The following RPS16 variants were observed in gnomAD, a reference collection of about 807,000 sequenced individuals.
RPS16 encodes small ribosomal subunit protein uS9.
Under a neutral mutation model 20.1 loss-of-function variants are expected in RPS16, and 2 were observed. The observed-to-expected ratio is 0.10, with a 90% CI of 0.04 to 0.31. The LOEUF is 0.31. Ranked by LOEUF, RPS16 falls within the 10% of genes least tolerant of loss-of-function variation. The pLI is 1.00. For missense variants in RPS16, 129 were observed against 198.6 expected (o/e 0.65, Z 2.11); for synonymous variants, 95 against 76.1 (o/e 1.25, Z -1.29).
Position 39,435,652 on chromosome 19 carries a change from G to A in RPS16, c.105C>T (p.Asn35=), listed in dbSNP as rs927732348. The A allele has an allele frequency of 3.7e-6, 6 of 1,614,028 alleles. No individual in the cohort carries two copies. Among genetic ancestry groups the A allele is most frequent in the South Asian group, 2.2e-5 (2 of 91,082 alleles). ...GCTCAATCATCTCCAGGGGCCGCCC[G>A]TTCACCTTGATGAGACCATTGCCGC... is the stretch of plus-strand genomic sequence containing the variant. ...CKRGNGLIKV[N]GRPLEMIEPR... is the part of the protein sequence containing the mutation. The change falls in exon 2 of 5, where the codon AAC becomes AAT. Residue 35 remains asparagine (N), a synonymous_variant. Transcript: ENST00000251453.
At position 39,435,667 on chromosome 19, in the gene RPS16, A is replaced by C. The variant is rs375849905; in HGVS notation, c.90T>G (p.Gly30=). Residue 30 remains glycine (G), a synonymous_variant, in exon 2 of 5, where the codon GGT becomes GGG. Coordinates refer to ENST00000251453, the MANE Select transcript of RPS16 (RefSeq NM_001020.6). ...TAVAHCKRGN[G]LIKVNGRPLE... ...GGGGCCGCCCGTTCACCTTGATGAG[A>C]CCATTGCCGCGTTTGCAGTGCGCCA... 1.4e-5 allele frequency: 22 copies of C among 1,613,986 alleles called. No individual in the cohort carries two copies. The East Asian group carries it at 3.8e-4, about 28-fold the overall frequency.
In RPS16 at chr19:39,435,848, CT is replaced by C; in HGVS notation, c.47del (p.Lys16ArgfsTer19). ...PLQSVQVFGR[K>X]KTATAVAHCK... ...CCTTCCCATCCGGCGTCTGGCTCAC[CT>C]TGCGTCCGAAGACCTGCACAGACTG... On this transcript the variant is annotated frameshift_variant and splice_region_variant, in exon 1 of 5. Transcript: ENST00000251453. LOFTEE classifies it high-confidence loss of function. 1.2e-6 allele frequency: 2 copies of C among 1,610,558 alleles called. No homozygotes were observed. The highest frequency in any genetic ancestry group is 1.1e-5 in the South Asian group (1 of 91,078).
chr19:39,435,564 A>C, intron 2 of RPS16, 43 bp downstream of exon 2: 1 of 1,529,738 alleles, frequency 6.5e-7, no homozygotes, highest in Non-Finnish European at 9.0e-7. Context: ...CTCTGTCTCC[A>C]AGAGTCCTCC....
At position 39,433,737 on chromosome 19, in the gene RPS16, C is replaced by T. The variant is rs756674728; in HGVS notation, c.175G>A (p.Gly59Ser). ...TCTACACCAGCAAATCGCTCCTTGCCGAGAAGCAGAACTGGCTCCAGCAGC... is the reference window on the plus strand; with the variant it reads ...TCTACACCAGCAAATCGCTCCTTGCTGAGAAGCAGAACTGGCTCCAGCAGC... ...YKLLEPVLLL[G>S]KERFAGVDIR... The change falls in exon 3 of 5, where the codon GGC (glycine) becomes AGC (serine). Residue 59 changes from glycine (G) to serine (S), a missense_variant. Gly to Ser is a moderately conservative substitution (Grantham distance 56). Coordinates refer to ENST00000251453, the MANE Select transcript of RPS16 (RefSeq NM_001020.6). 28 of 1,613,970 alleles carry T rather than the reference C, an allele frequency of 1.7e-5. No homozygotes were observed. In the Admixed American group the frequency reaches 2.8e-4, roughly 16 times the overall value.
rs1219537872 is a variant in RPS16 at position 39,433,337 on chromosome 19, C to A, written c.377G>T (p.Arg126Leu). The change falls in exon 5 of 5, where the codon CGC becomes CTC. Residue 126 changes from arginine to leucine, a missense_variant. Around this residue, in one of 2 missense-constraint regions of RPS16, gnomAD observed 12 missense variants for 47.2 expected, o/e 0.25. Coordinates refer to ENST00000251453, the MANE Select transcript of RPS16 (RefSeq NM_001020.6). ...GCCTCCAAACTTTTTGGACTCGCAG[C>A]GACGAGGGTCAGCTACCAGCAGGGT... is the stretch of plus-strand genomic sequence containing the variant. ...DRTLLVADPR[R>L]CESKKFGGPG... 1.2e-6 allele frequency: 2 copies of A among 1,613,848 alleles called. No individual in the cohort carries two copies. The highest frequency in any genetic ancestry group is 2.7e-5 in the African/African-American group (2 of 74,884).
Position 39,433,546 on chromosome 19 carries a change from C to A in RPS16, c.271G>T (p.Ala91Ser), listed in dbSNP as rs768932023. 10 of 1,614,192 alleles carry A rather than the reference C, an allele frequency of 6.2e-6. No individual in the cohort carries two copies. The South Asian group carries it at 9.9e-5, about 16-fold the overall frequency. ...CATTTCTGGTAATAGGCCACCAGGG[C>A]TTTGGAGATGGACTGACGGATAGCT... ...IYAIRQSISK[A>S]LVAYYQKYVD... Residue 91 changes from alanine to serine, a missense_variant, in exon 4 of 5, where the codon GCC becomes TCC. Ala to Ser is a moderately conservative substitution (Grantham distance 99). Coordinates refer to ENST00000251453, the MANE Select transcript of RPS16 (RefSeq NM_001020.6).
Position 39,433,354 on chromosome 19 carries a change from C to G in RPS16, c.360G>C (p.Leu120=). ...DILIQYDRTL[L]VADPRRCESK... is the part of the protein sequence containing the mutation. ...ACTCGCAGCGACGAGGGTCAGCTACCAGCAGGGTCCGGTCATACTGGATGA... is the reference window on the plus strand; with the variant it reads ...ACTCGCAGCGACGAGGGTCAGCTACGAGCAGGGTCCGGTCATACTGGATGA... Residue 120 remains leucine, a synonymous_variant, in exon 5 of 5, where the codon CTG becomes CTC. Coordinates refer to ENST00000251453, the MANE Select transcript of RPS16 (RefSeq NM_001020.6). 6.2e-7 allele frequency: 1 copy of G among 1,614,130 alleles called. No homozygotes were observed. Among genetic ancestry groups the G allele is most frequent in the African/African-American group, 1.3e-5 (1 of 75,030 alleles).
chr19:39,433,942 GAT>G lies in RPS16; in HGVS notation c.151-183_151-182del, dbSNP rs2078845300. 1.2e-5 allele frequency: 7 copies of G among 599,386 alleles called. No individual in the cohort carries two copies. The South Asian group carries it at 1.2e-4, about 10-fold the overall frequency. The allele number at this position is 599,386 out of a possible 1,614,324, so 37.1% of individuals were successfully genotyped here. A position where few individuals can be genotyped will look rare whatever the true frequency, so the allele number is the denominator to read the frequency against. ...GAGAAGAGGAAAGTCAAAAAAGCCA[GAT>G]ATGAGACTGCTGAAGTGGTGTTAAG... On this transcript the variant is annotated intron_variant, in intron 2 of 4. Coordinates refer to ENST00000251453, the MANE Select transcript of RPS16 (RefSeq NM_001020.6).
At chr19:39,435,333 CCCT>C in intron 2 of RPS16, 1 of 463,442 alleles carries the variant, frequency 2.2e-6, no homozygotes, top group Non-Finnish European at 3.8e-6. Context: ...TAGTCGGTGT[CCCT>C]TCACCCTTTG....
intron 2 of RPS16, 22 bp downstream of exon 2, chr19:39,435,585 C>A: frequency 6.2e-7 from 1 of 1,600,662 alleles, no homozygotes; most frequent in South Asian, 1.1e-5. Context: ...ATCCACTCAA[C>A]GCCGGTGCCG....
rs1363548392 is a variant in RPS16 at position 39,435,850 on chromosome 19, T to G, written c.46A>C (p.Lys16Gln). 1 of 1,610,272 alleles carries G rather than the reference T, an allele frequency of 6.2e-7. No homozygotes were observed. The highest frequency in any genetic ancestry group is 2.2e-5 in the East Asian group (1 of 44,902). ...PLQSVQVFGR[K>Q]KTATAVAHCK... ...TTCCCATCCGGCGTCTGGCTCACCT[T>G]GCGTCCGAAGACCTGCACAGACTGC... The change falls in exon 1 of 5, where the codon AAG becomes CAG. Residue 16 changes from lysine to glutamine, a missense_variant and splice_region_variant. By Grantham distance (53) the Lys-to-Gln change is moderately conservative (BLOSUM62 1). Coordinates refer to ENST00000251453, the MANE Select transcript of RPS16 (RefSeq NM_001020.6).
At position 39,435,853 on chromosome 19, in the gene RPS16, G is replaced by A. The variant is rs1392962732; in HGVS notation, c.43C>T (p.Arg15Cys). The A allele has an allele frequency of 7.5e-6, 12 of 1,610,012 alleles. No homozygotes were observed. The highest frequency in any genetic ancestry group is 1.0e-5 in the Non-Finnish European group (12 of 1,179,952). ...CCATCCGGCGTCTGGCTCACCTTGC[G>A]TCCGAAGACCTGCACAGACTGCAGC... The part of the protein sequence containing the change: ...GPLQSVQVFG[R>C]KKTATAVAHC... The change falls in exon 1 of 5, where the codon CGC (arginine) becomes TGC (cysteine). Residue 15 changes from arginine to cysteine, a missense_variant. Arg to Cys is a radical substitution (Grantham distance 180). This residue lies in a region of RPS16 where 117 missense variants were observed against 151.4 expected (regional missense o/e 0.77). Coordinates refer to ENST00000251453, the MANE Select transcript of RPS16 (RefSeq NM_001020.6).
Position 39,435,690 on chromosome 19 carries a change from C to A in RPS16, c.67G>T (p.Ala23Ser). ...AGACCATTGCCGCGTTTGCAGTGCGCCACAGCTGTCGCTGTCTTCTGTAAG... is the reference window on the plus strand; with the variant it reads ...AGACCATTGCCGCGTTTGCAGTGCGACACAGCTGTCGCTGTCTTCTGTAAG... ...FGRKKTATAV[A>S]HCKRGNGLIK... The change falls in exon 2 of 5, where the codon GCG (alanine) becomes TCG (serine). Residue 23 changes from alanine to serine, a missense_variant. By Grantham distance (99) the Ala-to-Ser change is moderately conservative (BLOSUM62 1). Transcript: ENST00000251453. 6.2e-7 allele frequency: 1 copy of A among 1,613,736 alleles called. No individual in the cohort carries two copies. Among genetic ancestry groups the A allele is most frequent in the Non-Finnish European group, 8.5e-7 (1 of 1,179,916 alleles).
chr19:39,434,454 G>A (rs1320409924), intron 2 of RPS16: 1 of 153,080 alleles, frequency 6.5e-6, no homozygotes, highest in South Asian at 2.0e-4. Flanking sequence ...AAACTCAACA[G>A]AGGGTACACA....
Position 39,433,753 on chromosome 19 carries a change from C to G in RPS16, c.159G>C (p.Glu53Asp), listed in dbSNP as rs2078844041. 1.2e-6 allele frequency: 2 copies of G among 1,613,950 alleles called. No homozygotes were observed. The highest frequency in any genetic ancestry group is 2.7e-5 in the African/African-American group (2 of 74,932). Residue 53 changes from glutamate to aspartate, a missense_variant, in exon 3 of 5, where the codon GAG becomes GAC. This residue lies in a region of RPS16 where 117 missense variants were observed against 151.4 expected (regional missense o/e 0.77). Transcript: ENST00000251453. ...EPRTLQYKLL[E>D]PVLLLGKERF... is the part of the protein sequence containing the mutation. ...GCTCCTTGCCGAGAAGCAGAACTGGCTCCAGCAGCTAAAGGAATGGGGAAT... is the reference window on the plus strand; with the variant it reads ...GCTCCTTGCCGAGAAGCAGAACTGGGTCCAGCAGCTAAAGGAATGGGGAAT...
In RPS16 at chr19:39,433,436, G is replaced by A; in HGVS notation, c.296-18C>T. Reference sequence around the variant, plus strand: ...ATCCACATCTGGCAAGAAGAGCAGGGACGAGGATTTAGATAATCACACAGA... The same window carrying A: ...ATCCACATCTGGCAAGAAGAGCAGGAACGAGGATTTAGATAATCACACAGA... On this transcript the variant is annotated intron_variant, in intron 4 of 4. Coordinates refer to ENST00000251453, the MANE Select transcript of RPS16 (RefSeq NM_001020.6). 1 of 1,613,882 alleles carries A rather than the reference G, an allele frequency of 6.2e-7. No individual in the cohort carries two copies.
intron 2 of RPS16, 151 bp downstream of exon 2, chr19:39,435,456 A>G: frequency 3.2e-6 from 2 of 620,400 alleles, no homozygotes; most frequent in Non-Finnish European, 5.6e-6. Context: ...CCCCAAGCCC[A>G]GCTCTATTGC....
At position 39,433,429 on chromosome 19, in the gene RPS16, G is replaced by T. The variant is rs548670147; in HGVS notation, c.296-11C>A. On this transcript the variant is annotated splice_polypyrimidine_tract_variant and intron_variant, in intron 4 of 4. Transcript: ENST00000251453. ...AAGCCTCATCCACATCTGGCAAGAA[G>T]AGCAGGGACGAGGATTTAGATAATC... 21 of 1,613,996 alleles carry T rather than the reference G, an allele frequency of 1.3e-5. No individual in the cohort carries two copies. The South Asian group carries it at 2.1e-4, about 16-fold the overall frequency.
chr19:39,433,717 A>G lies in RPS16; in HGVS notation c.195T>C (p.Gly65=), dbSNP rs374031537. 2.0e-5 allele frequency: 33 copies of G among 1,614,198 alleles called. No homozygotes were observed. The African/African-American group carries it at 3.1e-4, about 15-fold the overall frequency. Residue 65 remains glycine (G), a synonymous_variant, in exon 3 of 5, where the codon GGT becomes GGC. Coordinates refer to ENST00000251453, the MANE Select transcript of RPS16 (RefSeq NM_001020.6). ...CCTTTACACGGACACGGATGTCTAC[A>G]CCAGCAAATCGCTCCTTGCCGAGAA... ...VLLLGKERFA[G]VDIRVRVKGG...
Sources: gnomAD v4.1 joint callset for allele counts on GRCh38, gnomAD v4.1.1 for gene constraint, gnomAD v4.1.1 regional missense constraint, MANE v1.5 for transcripts, NCBI Gene and HGNC (gene_info 2026-07-23, HGNC 2026-07-21) for gene names.